PPP1R9A: variants seen among roughly 807,000 people sequenced by gnomAD.
PPP1R9A encodes neurabin-1.
Under a neutral mutation model 141.9 loss-of-function variants are expected in PPP1R9A, and 59 were observed. That is an observed-to-expected ratio of 0.42 (90% CI 0.34 to 0.52). PPP1R9A has a LOEUF of 0.52. Ranked by LOEUF, PPP1R9A falls within the 20% of genes least tolerant of loss-of-function variation. PPP1R9A has a pLI of 0.10. For missense variants in PPP1R9A, 1,444 were observed against 1,611.9 expected, an observed-to-expected ratio of 0.90 and a Z score of 1.78; for synonymous variants, 500 against 569.7, an observed-to-expected ratio of 0.88 and a Z score of 1.74.
Position 95,269,256 on chromosome 7 carries a change from C to T in PPP1R9A, c.2873C>T (p.Pro958Leu). The T allele has an allele frequency of 1.4e-5, 22 of 1,571,096 alleles. No homozygotes were observed. The highest frequency in any genetic ancestry group is 2.7e-5 in the African/African-American group (2 of 74,334). The change falls in exon 14 of 20, where the codon CCT becomes CTT. Residue 958 changes from proline (P) to leucine (L), a missense_variant. Transcript: ENST00000433360. ...ATGCATATTACCAAATTACTTCCAC[C>T]TAAGGGTTTGAGAACGTCTTCTCCA... The part of the protein sequence containing the change: ...NHMHITKLLP[P>L]KGLRTSSPES...
intron 7 of PPP1R9A, among the ~76,000 whole-genome samples, chr7:95,216,316 T>C (rs1793404543): frequency 6.6e-6 from 1 of 152,190 alleles, no homozygotes; most frequent in South Asian, 2.1e-4. Flanking sequence ...TTCTGTTCCA[T>C]TGGTCTATAT....
chr7:95,276,713 A>G (rs919518710), intron 16 of PPP1R9A, among the ~76,000 whole-genome samples: 4 of 152,208 alleles, frequency 2.6e-5, no homozygotes, highest in African/African-American at 9.7e-5. Flanking sequence ...ATTATTAGTA[A>G]TTATAGTAGA....
chr7:94,942,310 G>A (rs1452832742), intron 2 of PPP1R9A, among the ~76,000 whole-genome samples: 2 of 151,996 alleles, frequency 1.3e-5, no homozygotes, highest in Admixed American at 1.3e-4. Flanking sequence ...CCTAGACTTG[G>A]GTGGGAGAAT....
rs1804247381 is a variant in PPP1R9A at position 95,281,620 on chromosome 7, C to A, written c.3297-2398C>A. Among the ~76,000 whole-genome samples the A allele has an allele frequency of 1.3e-5, 2 of 152,106 alleles. 1 individual carries two copies. The highest frequency in any genetic ancestry group is 4.1e-4 in the South Asian group (2 of 4,826). ...TTTTTCTTTTCAAATGTTGCTTGGA[C>A]AGGATTTGGACTACCAAAAGTCCTT... is the stretch of plus-strand genomic sequence containing the variant. On this transcript the variant is annotated intron_variant, in intron 16 of 19. Coordinates refer to ENST00000433360, the MANE Select transcript of PPP1R9A (RefSeq NM_001166160.2).
At chr7:95,184,563 A>G (rs1233036622) in intron 5 of PPP1R9A, among the ~76,000 whole-genome samples, 1 of 152,184 alleles carries the variant, frequency 6.6e-6, no homozygotes, top group Non-Finnish European at 1.5e-5. Flanking sequence ...TGGTGCACCC[A>G]TCACCCAAGC....
chr7:94,947,628 T>C (rs1563031463), intron 2 of PPP1R9A, among the ~76,000 whole-genome samples: 1 of 152,106 alleles, frequency 6.6e-6, no homozygotes, highest in Non-Finnish European at 1.5e-5. Flanking sequence ...CAAGAAACTT[T>C]CAGAACCTGT....
intron 2 of PPP1R9A, among the ~76,000 whole-genome samples, chr7:94,968,158 T>TA (rs1218982089): frequency 6.6e-6 from 1 of 152,112 alleles, no homozygotes; most frequent in East Asian, 1.9e-4. Context: ...CCTATACCAT[T>TA]ATGTAATGCC....
At chr7:95,141,249 T>C (rs949155872) in intron 4 of PPP1R9A, among the ~76,000 whole-genome samples, 3 of 152,138 alleles carry the variant, frequency 2.0e-5, no homozygotes, top group Non-Finnish European at 4.4e-5. Flanking sequence ...ACTTGAAAAC[T>C]AGGCCAAGTG....
At chr7:94,922,684 T>C (rs1378211233) in intron 2 of PPP1R9A, among the ~76,000 whole-genome samples, 2 of 152,186 alleles carry the variant, frequency 1.3e-5, no homozygotes, top group Non-Finnish European at 2.9e-5. Flanking sequence ...TTTAAAAATA[T>C]GTGTATTTGC....
chr7:94,928,453 C>T (rs1415981378), intron 2 of PPP1R9A, among the ~76,000 whole-genome samples: 2 of 152,146 alleles, frequency 1.3e-5, no homozygotes, highest in African/African-American at 4.8e-5. Context: ...CATTTTTTCT[C>T]TCTGTTCTTT....
At chr7:95,241,145 T>A (rs558629687) in intron 8 of PPP1R9A, among the ~76,000 whole-genome samples, 6 of 152,092 alleles carry the variant, frequency 3.9e-5, no homozygotes, top group Non-Finnish European at 7.4e-5. Context: ...ATAAAAAAGG[T>A]AATTTCCAGT....
chr7:95,182,369 A>G (rs559648885), intron 5 of PPP1R9A, among the ~76,000 whole-genome samples: 32 of 152,074 alleles, frequency 2.1e-4, no homozygotes, highest in African/African-American at 7.7e-4. Flanking sequence ...TGAATGACAC[A>G]TGAGTTTTTT....
rs542188707 is a variant in PPP1R9A at position 95,166,950 on chromosome 7, A to T, written c.1754+4979A>T. 5.9e-5 allele frequency among the ~76,000 whole-genome samples: 9 copies of T among 152,330 alleles called. No homozygotes were observed. In the South Asian group the frequency reaches 1.2e-3, roughly 21 times the overall value. ...TCAGTAGATGCAGAAAAAACATTTG[A>T]TAAAATTCAGTATCCCTTCATGATG... On this transcript the variant is annotated intron_variant, in intron 5 of 19. Coordinates refer to ENST00000433360, the MANE Select transcript of PPP1R9A (RefSeq NM_001166160.2).
At chr7:95,222,162 A>C (rs1794552831) in intron 7 of PPP1R9A, among the ~76,000 whole-genome samples, 1 of 152,052 alleles carries the variant, frequency 6.6e-6, no homozygotes, top group Non-Finnish European at 1.5e-5. Flanking sequence ...GAATTCAGTG[A>C]TAATGTTTAA....
At position 95,165,874 on chromosome 7, in the gene PPP1R9A, G is replaced by A. The variant is rs188007007; in HGVS notation, c.1754+3903G>A. On this transcript the variant is annotated intron_variant, in intron 5 of 19. Transcript: ENST00000433360. ...AATGTTATTGAAAATTGGGTCAGGC[G>A]CAGTGGCTCATGCCTGGAATCCCAT... is the stretch of plus-strand genomic sequence containing the variant. Among the ~76,000 whole-genome samples the A allele has an allele frequency of 2.5e-4, 38 of 152,262 alleles. 1 individual carries two copies. Among genetic ancestry groups the A allele is most frequent in the African/African-American group, 8.9e-4 (37 of 41,554 alleles).
intron 2 of PPP1R9A, among the ~76,000 whole-genome samples, chr7:94,978,556 A>G (rs1010181717): frequency 3.9e-5 from 6 of 152,044 alleles, no homozygotes; most frequent in Non-Finnish European, 7.4e-5. Flanking sequence ...ATTTCTCGAC[A>G]CTTTTTTCTA....
At chr7:94,933,715 A>G (rs1794438610) in intron 2 of PPP1R9A, among the ~76,000 whole-genome samples, 1 of 152,178 alleles carries the variant, frequency 6.6e-6, no homozygotes, top group Non-Finnish European at 1.5e-5. Flanking sequence ...TGGTCCTTAC[A>G]ATAGCTGATC....
At chr7:95,268,438 C>T in intron 12 of PPP1R9A, 112 bp from the exon 13 acceptor site, 2 of 1,223,528 alleles carry the variant, frequency 1.6e-6, no homozygotes, top group Non-Finnish European at 2.3e-6. Flanking sequence ...ATGGTGGTCA[C>T]CTGATCCTTA....
intron 4 of PPP1R9A, among the ~76,000 whole-genome samples, chr7:95,141,207 C>A (rs1353016311): frequency 6.6e-6 from 1 of 151,942 alleles, no homozygotes; most frequent in Non-Finnish European, 1.5e-5. Flanking sequence ...GATGAAAATA[C>A]CAGAATTAGG....
Sources: gnomAD v4.1 joint callset for allele counts (sites outside exome capture counted in the v4.1 genomes callset) on GRCh38, gnomAD v4.1.1 for gene constraint, MANE v1.5 for transcripts, NCBI Gene and HGNC (gene_info 2026-07-23, HGNC 2026-07-21) for gene names.